Variants in VPS41 observed in about 807,000 individuals in gnomAD.
The protein encoded by VPS41 is vacuolar protein sorting-associated protein 41 homolog.
VPS41 carries 85 observed loss-of-function variants against 130.9 expected under a neutral mutation model. That is an observed-to-expected ratio of 0.65 (90% CI 0.55 to 0.78). The LOEUF (loss-of-function observed/expected upper bound fraction) is 0.78. Ranked by LOEUF, VPS41 falls within the 30% of genes least tolerant of loss-of-function variation. The probability of loss-of-function intolerance (pLI) is 0.00; values close to 1 mark genes in which losing one functional copy is unlikely to be tolerated. For synonymous variants in VPS41, 335 were observed against 332.9 expected (o/e 1.01, Z -0.07); for missense variants, 874 against 1,018.7 (o/e 0.86, Z 1.93).
intron 2 of VPS41, among the ~76,000 whole-genome samples, chr7:38,874,586 T>C (rs1021930373): frequency 1.3e-5 from 2 of 152,190 alleles, no homozygotes; most frequent in African/African-American, 4.8e-5. Flanking sequence ...TACATCTGAC[T>C]AGGGGCAAAT....
intron 10 of VPS41, 114 bp from the exon 11 acceptor site, chr7:38,776,890 A>C: frequency 1.8e-6 from 1 of 555,088 alleles, no homozygotes; most frequent in Non-Finnish European, 3.3e-6. Flanking sequence ...AGCTAACGTA[A>C]AGGGGACACC....
intron 10 of VPS41, among the ~76,000 whole-genome samples, chr7:38,786,453 T>A (rs1784440895): frequency 6.6e-6 from 1 of 152,168 alleles, no homozygotes; most frequent in Non-Finnish European, 1.5e-5. Context: ...ACTTCATTAA[T>A]TCCACTCCTA....
At chr7:38,817,297 T>C (rs1785072810) in intron 7 of VPS41, among the ~76,000 whole-genome samples, 1 of 152,176 alleles carries the variant, frequency 6.6e-6, no homozygotes, top group African/African-American at 2.4e-5. Context: ...TTGTCCTATA[T>C]CTACTTCAAA....
At chr7:38,843,404 C>T (rs902782529) in intron 4 of VPS41, among the ~76,000 whole-genome samples, 2 of 152,226 alleles carry the variant, frequency 1.3e-5, no homozygotes, top group African/African-American at 2.4e-5. Flanking sequence ...AATGACTGGC[C>T]GGGCGCGGTG....
chr7:38,752,568 T>C (rs931728371), intron 21 of VPS41, among the ~76,000 whole-genome samples: 4 of 152,304 alleles, frequency 2.6e-5, no homozygotes, highest in Non-Finnish European at 4.4e-5. Flanking sequence ...AAGTCACTAA[T>C]CTCTCTGAGA....
Position 38,774,283 on chromosome 7 carries a change from A to T in VPS41, c.883-39T>A, listed in dbSNP as rs756842300. On this transcript the variant is annotated intron_variant, in intron 11 of 28. Transcript: ENST00000310301. ...AGAGAGAAACATTAATTTAAATTAC[A>T]TTTCTATATATCATACAAATTAATT... 3 of 1,527,040 alleles carry T rather than the reference A, an allele frequency of 2.0e-6. No homozygotes were observed. In the South Asian group the frequency reaches 3.8e-5, roughly 19 times the overall value. 94.6% of individuals were successfully genotyped at this position (1,527,040 alleles called of 1,614,324 possible).
intron 10 of VPS41, among the ~76,000 whole-genome samples, chr7:38,779,877 G>A (rs1473215344): frequency 2.6e-5 from 4 of 152,140 alleles, no homozygotes; most frequent in Non-Finnish European, 5.9e-5. Context: ...ATATATTCAA[G>A]TAATTACAGA....
intron 7 of VPS41, among the ~76,000 whole-genome samples, chr7:38,817,522 G>T (rs1785077367): frequency 1.3e-5 from 2 of 152,186 alleles, no homozygotes; most frequent in East Asian, 3.9e-4. Flanking sequence ...TGAGGCTGAT[G>T]CAGGAGAACC....
At chr7:38,766,423 T>C (rs1784044166) in intron 15 of VPS41, among the ~76,000 whole-genome samples, 1 of 152,196 alleles carries the variant, frequency 6.6e-6, no homozygotes, top group Admixed American at 6.5e-5. Context: ...GCAGAGGCAC[T>C]TTCTTCTGGA....
At position 38,909,182 on chromosome 7, in the gene VPS41, C is replaced by G. The variant is rs1237213153; in HGVS notation, c.-8G>C. The G allele has an allele frequency of 6.2e-7, 1 of 1,614,240 alleles. No individual in the cohort carries two copies. The highest frequency in any genetic ancestry group is 1.7e-5 in the Admixed American group (1 of 60,030). ...CTCCTCTGCTTCCGCCATGGCGCCA[C>G]GGGAGAGTCACCTGACAGACCCGGA... On this transcript the variant is annotated 5_prime_UTR_variant, in exon 1 of 29. Transcript: ENST00000310301.
Position 38,780,810 on chromosome 7 carries a change from G to A in VPS41, c.785-4034C>T, listed in dbSNP as rs193213772. 3.3e-4 allele frequency among the ~76,000 whole-genome samples: 50 copies of A among 152,278 alleles called. 1 individual carries two copies. The East Asian group carries it at 8.7e-3, about 26-fold the overall frequency. On this transcript the variant is annotated intron_variant, in intron 10 of 28. Coordinates refer to ENST00000310301, the MANE Select transcript of VPS41 (RefSeq NM_014396.4). ...TGGGAAATGATTAGATCATGGGAACGGATTTCTCATGAATGGTCATTTCTC... is the reference window on the plus strand; with the variant it reads ...TGGGAAATGATTAGATCATGGGAACAGATTTCTCATGAATGGTCATTTCTC...
chr7:38,738,313 T>G (rs1466329911), intron 25 of VPS41, among the ~76,000 whole-genome samples: 1 of 152,230 alleles, frequency 6.6e-6, no homozygotes, highest in Non-Finnish European at 1.5e-5. Context: ...AGAGGATCTG[T>G]GATCTGTGTT....
intron 25 of VPS41, among the ~76,000 whole-genome samples, chr7:38,732,148 C>T (rs551318964): frequency 9.2e-5 from 14 of 152,288 alleles, no homozygotes; most frequent in East Asian, 7.7e-4. Flanking sequence ...CCTAGTGATA[C>T]GGCATCTACT....
At chr7:38,830,400 T>A in intron 4 of VPS41, 72 bp from the exon 5 acceptor site, 1 of 924,592 alleles carries the variant, frequency 1.1e-6, no homozygotes, top group Non-Finnish European at 1.8e-6. Flanking sequence ...GTCTTTGCTC[T>A]TTGTAAAATA....
At chr7:38,907,269 A>G (rs1170388185) in intron 1 of VPS41, among the ~76,000 whole-genome samples, 1 of 152,210 alleles carries the variant, frequency 6.6e-6, no homozygotes, top group Admixed American at 6.5e-5. Flanking sequence ...CAGCATGAGC[A>G]AAGAGGCCCT....
intron 2 of VPS41, among the ~76,000 whole-genome samples, chr7:38,894,115 G>C (rs1786927027): frequency 6.6e-6 from 1 of 152,064 alleles, no homozygotes; most frequent in Non-Finnish European, 1.5e-5. Flanking sequence ...AAATATATAA[G>C]GAAAATGCCT....
rs761635229 is a variant in VPS41, at chr7:38,815,941, T to TATATAC, written c.450+1875_450+1876insGTATAT. 3.8e-4 allele frequency among the ~76,000 whole-genome samples: 54 copies of TATATAC among 142,704 alleles called. 1 individual carries two copies. Among genetic ancestry groups the TATATAC allele is most frequent in the Non-Finnish European group, 3.5e-4 (23 of 65,050 alleles). 93.6% of individuals were successfully genotyped at this position (142,704 alleles called of 152,430 possible). ...ATAAACTACTATATATATATATATA[T>TATATAC]ACACATATATACACACACACACATC... is the stretch of plus-strand genomic sequence containing the variant. On this transcript the variant is annotated intron_variant, in intron 7 of 28. Transcript: ENST00000310301.
intron 5 of VPS41, among the ~76,000 whole-genome samples, chr7:38,825,182 A>T (rs888157780): frequency 3.3e-5 from 5 of 152,254 alleles, no homozygotes; most frequent in African/African-American, 7.2e-5. Flanking sequence ...TGAAGGTGGC[A>T]AATCAAGAAT....
chr7:38,765,836 T>C, intron 15 of VPS41, 175 bp from the exon 16 acceptor site: 1 of 497,642 alleles, frequency 2.0e-6, no homozygotes, highest in Non-Finnish European at 3.5e-6. Flanking sequence ...CTGTTACTCA[T>C]TTGGTTGCAT....
Sources: gnomAD v4.1 joint callset for allele counts (sites outside exome capture counted in the v4.1 genomes callset) on GRCh38, gnomAD v4.1.1 for gene constraint, MANE v1.5 for transcripts, NCBI Gene and HGNC (gene_info 2026-07-23, HGNC 2026-07-21) for gene names.